UMAD1: variants seen among roughly 807,000 people sequenced by gnomAD.
The protein encoded by UMAD1 is UBAP1-MVB12-associated (UMA) domain containing 1, also known as UBAP1-MVB12-associated (UMA)-domain containing protein 1.
Under a neutral mutation model 6.1 loss-of-function variants are expected in UMAD1, and 8 were observed. The observed-to-expected ratio is 1.30, with a 90% CI of 0.76 to 2.35. The LOEUF (loss-of-function observed/expected upper bound fraction) is 2.35. Ranked by LOEUF, UMAD1 falls within the 30% of genes most tolerant of loss-of-function variation. The pLI, the probability that UMAD1 is intolerant of heterozygous loss-of-function variation, is 0.00. For missense variants in UMAD1, 130 were observed against 78.4 expected (o/e 1.66, Z -2.49); for synonymous variants, 56 against 31.4 (o/e 1.78, Z -2.61).
At chr7:7,725,607 C>T (rs1479482348) in intron 2 of UMAD1, among the ~76,000 whole-genome samples, 2 of 152,140 alleles carry the variant, frequency 1.3e-5, no homozygotes, top group Non-Finnish European at 2.9e-5. Context: ...ACCTGAACTG[C>T]CTATCATGAA....
At chr7:7,678,806 ATT>A (rs1241122825) in intron 2 of UMAD1, among the ~76,000 whole-genome samples, 1 of 37,022 alleles carries the variant, frequency 2.7e-5, no homozygotes, top group Non-Finnish European at 4.3e-5. Flanking sequence ...TTATAAATAT[ATT>A]TATATATTTA....
intron 2 of UMAD1, among the ~76,000 whole-genome samples, chr7:7,749,481 T>C (rs1029458152): frequency 1.3e-5 from 2 of 152,152 alleles, no homozygotes; most frequent in African/African-American, 4.8e-5. Flanking sequence ...TGGGAGTGGG[T>C]AAGCGTTTTT....
chr7:7,819,769 T>G (rs1335690017), intron 3 of UMAD1, among the ~76,000 whole-genome samples: 1 of 152,238 alleles, frequency 6.6e-6, no homozygotes, highest in Non-Finnish European at 1.5e-5. Context: ...CTGTTCAGTT[T>G]GGTTAATAAA....
intron 3 of UMAD1, among the ~76,000 whole-genome samples, chr7:7,826,006 A>C (rs1583853958): frequency 1.3e-5 from 2 of 152,266 alleles, no homozygotes; most frequent in South Asian, 4.2e-4. Context: ...CGCTATATAA[A>C]TAGTTGTTAT....
At chr7:7,727,965 CTT>C (rs2115189111) in intron 2 of UMAD1, among the ~76,000 whole-genome samples, 1 of 150,750 alleles carries the variant, frequency 6.6e-6, no homozygotes, top group South Asian at 2.1e-4. Flanking sequence ...TTAATAAACT[CTT>C]TATATATATA....
At chr7:7,758,089 A>G (rs1340842494) in intron 2 of UMAD1, among the ~76,000 whole-genome samples, 1 of 151,888 alleles carries the variant, frequency 6.6e-6, no homozygotes, top group Non-Finnish European at 1.5e-5. Context: ...ATTATTTTTA[A>G]TTAGAGACAG....
In UMAD1 at chr7:7,830,421, T is replaced by A. The variant is rs1783440056; in HGVS notation, c.156+28678T>A. ...TCATTCTCTGCTTGAAGCACGTTCATACTATATTGATTTTTTACCTCTATT... is the reference window on the plus strand; with the variant it reads ...TCATTCTCTGCTTGAAGCACGTTCAAACTATATTGATTTTTTACCTCTATT... On this transcript the variant is annotated intron_variant, in intron 3 of 3. Transcript: ENST00000682710. The surrounding 1 kb of genome is among the most constrained non-coding windows in gnomAD (Gnocchi z 5.3). Among the ~76,000 whole-genome samples the A allele has an allele frequency of 6.6e-6, 1 of 152,194 alleles. No individual in the cohort carries two copies. The highest frequency in any genetic ancestry group is 1.5e-5 in the Non-Finnish European group (1 of 68,044).
intron 2 of UMAD1, among the ~76,000 whole-genome samples, chr7:7,743,664 G>A (rs1781515692): frequency 6.6e-6 from 1 of 151,510 alleles, no homozygotes; most frequent in Non-Finnish European, 1.5e-5. Context: ...GCAGGGGAAA[G>A]TAAGCTAATA....
At chr7:7,841,100 T>C (rs1056423674) in intron 3 of UMAD1, among the ~76,000 whole-genome samples, 2 of 152,200 alleles carry the variant, frequency 1.3e-5, no homozygotes, top group East Asian at 3.8e-4. Context: ...ATTAAACATA[T>C]AACATTCTAA....
At chr7:7,769,117 G>C (rs1402940791) in intron 2 of UMAD1, among the ~76,000 whole-genome samples, 3 of 152,118 alleles carry the variant, frequency 2.0e-5, no homozygotes, top group Non-Finnish European at 2.9e-5. Flanking sequence ...TTTAGCTTTT[G>C]TTTGGCTGCA....
intron 2 of UMAD1, among the ~76,000 whole-genome samples, chr7:7,716,383 C>T (rs1333406016): frequency 6.6e-6 from 1 of 152,186 alleles, no homozygotes; most frequent in African/African-American, 2.4e-5. Flanking sequence ...GCAAGGTTTC[C>T]TTTTAAATAA....
At chr7:7,733,305 G>A (rs1453647946) in intron 2 of UMAD1, among the ~76,000 whole-genome samples, 2 of 151,990 alleles carry the variant, frequency 1.3e-5, no homozygotes, top group African/African-American at 4.8e-5. Context: ...ATGCCCTGAA[G>A]CCTGACATTT....
chr7:7,805,492 C>G (rs951846768), intron 3 of UMAD1, among the ~76,000 whole-genome samples: 1 of 152,142 alleles, frequency 6.6e-6, no homozygotes. Flanking sequence ...CTAAGCCACC[C>G]CTTTTACTAG....
At chr7:7,705,447 G>A (rs548836769) in intron 2 of UMAD1, among the ~76,000 whole-genome samples, 15 of 152,272 alleles carry the variant, frequency 9.9e-5, no homozygotes, top group Admixed American at 8.5e-4. Flanking sequence ...AATGTAATTG[G>A]TTTGGGTCAC....
intron 2 of UMAD1, among the ~76,000 whole-genome samples, chr7:7,793,495 C>G (rs963996533): frequency 9.2e-5 from 14 of 152,304 alleles, no homozygotes; most frequent in African/African-American, 3.4e-4. Flanking sequence ...CTCATTAACC[C>G]TAATGAATCT....
At position 7,673,462 on chromosome 7, in the gene UMAD1, T is replaced by C; in HGVS notation, c.82+9T>C. On this transcript the variant is annotated intron_variant, in intron 2 of 3. Coordinates refer to ENST00000682710, the MANE Select transcript of UMAD1 (RefSeq NM_001302348.2). ...TGGATTCGTCCTTTTAGGTGAGTCT[T>C]TTTAAGAAACAAAATAATTAGATGA... 1.3e-6 allele frequency: 1 copy of C among 794,078 alleles called. No individual in the cohort carries two copies. The highest frequency in any genetic ancestry group is 2.1e-6 in the Non-Finnish European group (1 of 468,660). 49.2% of individuals were successfully genotyped at this position (794,078 alleles called of 1,614,324 possible).
At position 7,736,391 on chromosome 7, in the gene UMAD1, G is replaced by A. The variant is rs530490215; in HGVS notation, c.82+62938G>A. Reference sequence around the variant, plus strand: ...AGTTCAATTTTCCACCTCCCAATTTGATGAAGGTGGGTTTAAATGACTCTT... The same window carrying A: ...AGTTCAATTTTCCACCTCCCAATTTAATGAAGGTGGGTTTAAATGACTCTT... On this transcript the variant is annotated intron_variant, in intron 2 of 3. Coordinates refer to ENST00000682710, the MANE Select transcript of UMAD1 (RefSeq NM_001302348.2). 2.0e-5 allele frequency: 3 copies of A among 153,226 alleles called. No individual in the cohort carries two copies. The East Asian group carries it at 5.8e-4, about 30-fold the overall frequency. The allele number at this position is 153,226 out of a possible 1,614,324, so 9.5% of individuals were successfully genotyped here.
At chr7:7,797,606 T>TGATCC (rs1427767663) in intron 2 of UMAD1, among the ~76,000 whole-genome samples, 6 of 152,170 alleles carry the variant, frequency 3.9e-5, no homozygotes, top group African/African-American at 1.4e-4. Context: ...CCCTCAACCA[T>TGATCC]CCTCACCCAG....
At chr7:7,667,910 A>C (rs994154400) in intron 1 of UMAD1, among the ~76,000 whole-genome samples, 14 of 152,008 alleles carry the variant, frequency 9.2e-5, no homozygotes, top group African/African-American at 3.4e-4. Flanking sequence ...CCAATACTTA[A>C]CCTAGTTTTT....
Sources: gnomAD v4.1 joint callset for allele counts (sites outside exome capture counted in the v4.1 genomes callset) on GRCh38, gnomAD v4.1.1 for gene constraint, Gnocchi (gnomAD v3.1) non-coding constraint, MANE v1.5 for transcripts, NCBI Gene and HGNC (gene_info 2026-07-23, HGNC 2026-07-21) for gene names.